The following NWD2 variants were observed in gnomAD, a reference collection of about 807,000 sequenced individuals.
NWD2 encodes NACHT and WD repeat domain containing 2, also known as NACHT and WD repeat domain-containing protein 2.
Under a neutral mutation model 132.7 loss-of-function variants are expected in NWD2, and 37 were observed. That is an observed-to-expected ratio of 0.28 (90% CI 0.21 to 0.37). The LOEUF is 0.37. Ranked by LOEUF, NWD2 falls within the 10% of genes least tolerant of loss-of-function variation. The probability of loss-of-function intolerance (pLI) is 1.00; values close to 1 mark genes in which losing one functional copy is unlikely to be tolerated. For synonymous variants in NWD2, 705 were observed against 803.0 expected (o/e 0.88, Z 2.06); for missense variants, 1,592 against 2,122.4 (o/e 0.75, Z 4.91).
intron 1 of NWD2, among the ~76,000 whole-genome samples, chr4:37,298,915 A>G (rs562114531): frequency 5.9e-5 from 9 of 152,250 alleles, no homozygotes; most frequent in African/African-American, 2.2e-4. Context: ...GGTGATATAG[A>G]TTGTATGGAC....
At chr4:37,359,414 C>T (rs1361474877) in intron 3 of NWD2, among the ~76,000 whole-genome samples, 1 of 152,066 alleles carries the variant, frequency 6.6e-6, no homozygotes, top group East Asian at 1.9e-4. Flanking sequence ...CCTCTTAGGG[C>T]CTTTCCTGTT....
At chr4:37,255,653 G>A (rs1035226892) in intron 1 of NWD2, among the ~76,000 whole-genome samples, 3 of 152,156 alleles carry the variant, frequency 2.0e-5, no homozygotes. Context: ...GGAGAATAGG[G>A]TAGCAGAAAG....
At chr4:37,425,715 T>C (rs749677013) in intron 3 of NWD2, among the ~76,000 whole-genome samples, 1 of 152,038 alleles carries the variant, frequency 6.6e-6, no homozygotes, top group South Asian at 2.1e-4. Context: ...ACTGGCAAAG[T>C]TGGTTTAACT....
Position 37,445,763 on chromosome 4 carries a change from T to G in NWD2, c.3775T>G (p.Trp1259Gly). ...GGAAAATACCTCAGCTGTGTTTTTT[T>G]GGAGGCGGGACACAGGACAGTGTAT... ...TMENTSAVFFWRRDTGQCMAS... is the reference protein window; with the variant it reads ...TMENTSAVFFGRRDTGQCMAS... The change falls in exon 7 of 7, where the codon TGG (tryptophan) becomes GGG (glycine). Residue 1259 changes from tryptophan (W) to glycine (G), a missense_variant. Trp to Gly is a radical substitution (Grantham distance 184). This residue lies in a region of NWD2 where 1,071 missense variants were observed against 1,398.0 expected (regional missense o/e 0.77). Transcript: ENST00000309447. This position sits in a 1 kb window ranked among gnomAD's most constrained non-coding sequence, Gnocchi z 4.7. The G allele has an allele frequency of 6.4e-7, 1 of 1,551,876 alleles. No homozygotes were observed. The highest frequency in any genetic ancestry group is 8.7e-7 in the Non-Finnish European group (1 of 1,147,026).
At chr4:37,277,495 T>C (rs915666594) in intron 1 of NWD2, among the ~76,000 whole-genome samples, 2 of 152,110 alleles carry the variant, frequency 1.3e-5, no homozygotes, top group Non-Finnish European at 2.9e-5. Flanking sequence ...TTAATTTCAC[T>C]GATTATTTTT....
intron 4 of NWD2, among the ~76,000 whole-genome samples, chr4:37,431,115 A>G (rs2109326248): frequency 6.6e-6 from 1 of 152,328 alleles, no homozygotes; most frequent in South Asian, 2.1e-4. Flanking sequence ...GCAGTTCCTC[A>G]AAAAATTAAA....
chr4:37,308,615 G>A (rs995823306), intron 1 of NWD2, among the ~76,000 whole-genome samples: 1 of 152,272 alleles, frequency 6.6e-6, no homozygotes, highest in African/African-American at 2.4e-5. Flanking sequence ...TGTGGTTGCT[G>A]GCAGTGGCAG....
In NWD2 at chr4:37,444,683, A is replaced by T; in HGVS notation, c.2695A>T (p.Ile899Phe). Residue 899 changes from isoleucine (I) to phenylalanine (F), a missense_variant, in exon 7 of 7, where the codon ATC (isoleucine) becomes TTC (phenylalanine). Around this residue, in one of 7 missense-constraint regions of NWD2, gnomAD observed 1,071 missense variants for 1,398.0 expected, o/e 0.77. Coordinates refer to ENST00000309447, the MANE Select transcript of NWD2 (RefSeq NM_001144990.2). This position sits in a 1 kb window ranked among gnomAD's most constrained non-coding sequence, Gnocchi z 4.8. ...GTTCCTGGCCAACACCCTCCGCAGC[A>T]TCAAAAACAAGGTCACTGCATTTCC... ...LKFLANTLRS[I>F]KNKVTAFPGS... 6.4e-7 allele frequency: 1 copy of T among 1,552,224 alleles called. No individual in the cohort carries two copies. The highest frequency in any genetic ancestry group is 8.7e-7 in the Non-Finnish European group (1 of 1,147,104).
chr4:37,387,984 A>G (rs1720600003), intron 3 of NWD2, among the ~76,000 whole-genome samples: 1 of 152,104 alleles, frequency 6.6e-6, no homozygotes, highest in Non-Finnish European at 1.5e-5. Context: ...GCCAGGTTCA[A>G]ATCATACCTC....
intron 1 of NWD2, among the ~76,000 whole-genome samples, chr4:37,271,458 T>A (rs1358062532): frequency 2.0e-5 from 3 of 151,880 alleles, no homozygotes; most frequent in Non-Finnish European, 4.4e-5. Flanking sequence ...TTTAAATTTT[T>A]ATGTTATTTC....
At chr4:37,393,206 C>T (rs1277122043) in intron 3 of NWD2, among the ~76,000 whole-genome samples, 2 of 98,836 alleles carry the variant, frequency 2.0e-5, no homozygotes, top group African/African-American at 3.7e-5. Context: ...TGGGGGGAGA[C>T]TCTGACCTTG....
chr4:37,315,996 T>G (rs1215419204), intron 1 of NWD2, among the ~76,000 whole-genome samples: 1 of 152,062 alleles, frequency 6.6e-6, no homozygotes, highest in African/African-American at 2.4e-5. Flanking sequence ...ATATATGTAT[T>G]ATGTGTATGT....
At chr4:37,434,320 C>T (rs963550497) in intron 5 of NWD2, among the ~76,000 whole-genome samples, 6 of 152,158 alleles carry the variant, frequency 3.9e-5, no homozygotes, top group African/African-American at 9.7e-5. Flanking sequence ...ATCACTTACC[C>T]GCTTATCCAG....
intron 2 of NWD2, among the ~76,000 whole-genome samples, chr4:37,347,894 T>A (rs1719668006): frequency 6.6e-6 from 1 of 152,256 alleles, no homozygotes; most frequent in African/African-American, 2.4e-5. Context: ...GTTCTTGGTT[T>A]GTGCATGGCA....
At chr4:37,348,435 C>T (rs1719681792) in intron 2 of NWD2, among the ~76,000 whole-genome samples, 1 of 151,710 alleles carries the variant, frequency 6.6e-6, no homozygotes, top group Non-Finnish European at 1.5e-5. Context: ...AAAAAACTGG[C>T]AGAGAAGACA....
At chr4:37,336,276 ACAT>A (rs1405317154) in intron 2 of NWD2, among the ~76,000 whole-genome samples, 1 of 152,234 alleles carries the variant, frequency 6.6e-6, no homozygotes, top group African/African-American at 2.4e-5. Flanking sequence ...AATATCTAAA[ACAT>A]CATTTTAATA....
chr4:37,407,522 G>A (rs550676175), intron 3 of NWD2, among the ~76,000 whole-genome samples: 3 of 152,138 alleles, frequency 2.0e-5, no homozygotes, highest in South Asian at 4.1e-4. Context: ...ACCACTGGTC[G>A]ATAGGATAAA....
chr4:37,282,068 T>A (rs1718140462), intron 1 of NWD2, among the ~76,000 whole-genome samples: 1 of 152,200 alleles, frequency 6.6e-6, no homozygotes, highest in South Asian at 2.1e-4. Flanking sequence ...CAGCCAATAT[T>A]TTAGAGCAAT....
Position 37,444,049 on chromosome 4 carries a change from A to G in NWD2, c.2061A>G (p.Val687=). Residue 687 remains valine (V), a synonymous_variant, in exon 7 of 7, where the codon GTA becomes GTG. Coordinates refer to ENST00000309447, the MANE Select transcript of NWD2 (RefSeq NM_001144990.2). The surrounding 1 kb of genome is among the most constrained non-coding windows in gnomAD (Gnocchi z 4.8). ...ATGTGTTAGCCCTAGACAACAGTGTAATGAGTGAGCTCAAAGAAAACACCA... is the reference window on the plus strand; with the variant it reads ...ATGTGTTAGCCCTAGACAACAGTGTGATGAGTGAGCTCAAAGAAAACACCA... ...LEDVLALDNS[V]MSELKENTRP... 2 of 1,551,952 alleles carry G rather than the reference A, an allele frequency of 1.3e-6. No homozygotes were observed. Among genetic ancestry groups the G allele is most frequent in the Middle Eastern group, 1.7e-4 (1 of 5,994 alleles).
Sources: gnomAD v4.1 joint callset for allele counts (sites outside exome capture counted in the v4.1 genomes callset) on GRCh38, gnomAD v4.1.1 for gene constraint, gnomAD v4.1.1 regional missense constraint, Gnocchi (gnomAD v3.1) non-coding constraint, MANE v1.5 for transcripts, NCBI Gene and HGNC (gene_info 2026-07-23, HGNC 2026-07-21) for gene names.